The following CCP110 variants were observed in gnomAD, a reference collection of about 807,000 sequenced individuals.
CCP110 encodes centriolar coiled-coil protein of 110 kDa.
In CCP110, 43 loss-of-function variants were observed where a neutral mutation model predicts 105.5. That is an observed-to-expected ratio of 0.41 (90% CI 0.32 to 0.53). CCP110 has a LOEUF of 0.53. Among genes scored for constraint, CCP110 ranks in the 20% least tolerant of loss-of-function variants. The pLI, the probability that CCP110 is intolerant of heterozygous loss-of-function variation, is 0.32. For synonymous variants in CCP110, 353 were observed against 392.1 expected (o/e 0.90, Z 1.18); for missense variants, 1,016 against 1,189.1 (o/e 0.85, Z 2.14).
rs188165360 is a variant in CCP110 at position 19,537,653 on chromosome 16, A to G, written c.1918+66A>G. 163 of 920,856 alleles carry G rather than the reference A, an allele frequency of 1.8e-4. No homozygotes were observed. In the East Asian group the frequency reaches 2.9e-3, roughly 17 times the overall value. The allele number at this position is 920,856 out of a possible 1,614,324, so 57.0% of individuals were successfully genotyped here. A position where few individuals can be genotyped will look rare whatever the true frequency, so the allele number is the denominator to read the frequency against. On this transcript the variant is annotated intron_variant, in intron 4 of 14. Coordinates refer to ENST00000381396, the Ensembl canonical transcript of CCP110. ...ACCTTTATTTTAATACTCTTAATTG[A>G]CATTTTTGGGAAAAAAGTGGTCTTT...
chr16:19,528,504 C>T (rs1220461044), intron 2 of CCP110, among the ~76,000 whole-genome samples: 2 of 152,018 alleles, frequency 1.3e-5, no homozygotes, highest in East Asian at 3.9e-4. Flanking sequence ...TACAGTAAGG[C>T]AGATGTAAAT....
chr16:19,546,573 T>A, intron 12 of CCP110, 99 bp downstream of exon 12: 1 of 673,704 alleles, frequency 1.5e-6, no homozygotes, highest in South Asian at 1.8e-5. Context: ...TCCCAGAACT[T>A]TGGGAGGCCA....
chr16:19,547,902 G>A, intron 12 of CCP110, 53 bp from the exon 13 acceptor site: 2 of 1,294,536 alleles, frequency 1.5e-6, no homozygotes, highest in Non-Finnish European at 1.1e-6. Context: ...AAGAAAATGG[G>A]AAAAAATGGA....
intron 4 of CCP110, among the ~76,000 whole-genome samples, chr16:19,539,065 T>G (rs1460425043): frequency 6.6e-6 from 1 of 151,698 alleles, no homozygotes; most frequent in Non-Finnish European, 1.5e-5. Flanking sequence ...TGAGCCGAGA[T>G]TGCACCATTG....
intron 6 of CCP110, 25 bp from the exon 7 acceptor site, chr16:19,542,596 T>C: frequency 6.5e-7 from 1 of 1,540,630 alleles, no homozygotes; most frequent in Admixed American, 1.7e-5. Flanking sequence ...ACATCAAGTA[T>C]AATACTATAT....
In CCP110 at chr16:19,536,014, A is replaced by G. The variant is rs746277493; in HGVS notation, c.345A>G (p.Arg115=). The change falls in exon 4 of 15, where the codon AGA becomes AGG. Residue 115 remains arginine, a synonymous_variant. Coordinates refer to ENST00000381396, the Ensembl canonical transcript of CCP110. ...CAGTTTACTCTAATTCAGAAGTCAG[A>G]AACTTGAATGTTCCTGCTACATTTC... 2.5e-6 allele frequency: 4 copies of G among 1,613,820 alleles called. No homozygotes were observed. The African/African-American group carries it at 5.3e-5, about 22-fold the overall frequency.
intron 8 of CCP110, among the ~76,000 whole-genome samples, chr16:19,544,394 C>T (rs1970392379): frequency 6.6e-6 from 1 of 152,050 alleles, no homozygotes; most frequent in South Asian, 2.1e-4. Context: ...CTCTGGGTTC[C>T]ACATCTGTGG....
chr16:19,537,394 A>G (rs924868218), exon 4 of CCP110: 1 of 1,613,294 alleles, frequency 6.2e-7, no homozygotes, highest in Non-Finnish European at 8.5e-7. Flanking sequence ...GAAATGAACA[A>G]TTTTTGGATA....
At chr16:19,527,594 C>T (rs1969717166) in intron 1 of CCP110, among the ~76,000 whole-genome samples, 2 of 152,076 alleles carry the variant, frequency 1.3e-5, no homozygotes, top group Non-Finnish European at 2.9e-5. Flanking sequence ...GAAGGTTTTA[C>T]TGAATTCTTA....
intron 4 of CCP110, among the ~76,000 whole-genome samples, chr16:19,537,922 T>TA (rs1165114419): frequency 6.6e-6 from 1 of 152,194 alleles, no homozygotes; most frequent in Non-Finnish European, 1.5e-5. Context: ...CATGCCCGGC[T>TA]AATTTTTGTA....
At chr16:19,533,488 A>G (rs1969945366) in intron 3 of CCP110, among the ~76,000 whole-genome samples, 1 of 152,172 alleles carries the variant, frequency 6.6e-6, no homozygotes. Flanking sequence ...AAAGGAGGGT[A>G]GGTAATGAGA....
rs921838589 is a variant in CCP110, at chr16:19,523,967, GGGA to G, written c.-126_-124del. ...GCAGCCTGAGATCCGTAATATGGCGGGGAGGAGGAGGAGAAGGCGGCGGCGGAC... is the reference window on the plus strand; with the variant it reads ...GCAGCCTGAGATCCGTAATATGGCGGGGAGGAGGAGAAGGCGGCGGCGGAC... On this transcript the variant is annotated 5_prime_UTR_variant, in exon 1 of 15. Coordinates refer to ENST00000381396, the Ensembl canonical transcript of CCP110. 1.6e-4 allele frequency: 24 copies of G among 154,384 alleles called. No individual in the cohort carries two copies. In the South Asian group the frequency reaches 3.2e-3, roughly 21 times the overall value. The allele number at this position is 154,384 out of a possible 1,614,324, so 9.6% of individuals were successfully genotyped here.
At chr16:19,525,609 C>A (rs1018194884) in intron 1 of CCP110, 5 of 152,210 alleles carry the variant, frequency 3.3e-5, no homozygotes, top group South Asian at 4.1e-4. Flanking sequence ...CTAAATTCCA[C>A]TCTTCCTTGC....
chr16:19,537,425 C>A, exon 4 of CCP110: 1 of 1,613,544 alleles, frequency 6.2e-7, no homozygotes, highest in Non-Finnish European at 8.5e-7. Context: ...GAAAGTTAAA[C>A]GGAGACTTGA....
rs1018595606 is a variant in CCP110, at chr16:19,528,103, A to T, written c.141+81A>T. 14 of 1,214,488 alleles carry T rather than the reference A, an allele frequency of 1.2e-5. No homozygotes were observed. The African/African-American group carries it at 1.8e-4, about 16-fold the overall frequency. 75.2% of individuals were successfully genotyped at this position (1,214,488 alleles called of 1,614,324 possible). A position where few individuals can be genotyped will look rare whatever the true frequency, so the allele number is the denominator to read the frequency against. ...TCGTGGAAAAACAAAAGAAAGGCTT[A>T]TAAACATTTGAAGAGATGCCCTCAT... On this transcript the variant is annotated intron_variant, in intron 2 of 14. Transcript: ENST00000381396.
At chr16:19,526,443 T>TTAA (rs1375559637) in intron 1 of CCP110, 1 of 152,214 alleles carries the variant, frequency 6.6e-6, no homozygotes, top group East Asian at 1.9e-4. Flanking sequence ...AGGCTATGCC[T>TTAA]TAAGGTGTTT....
chr16:19,528,043 A>AAT, intron 2 of CCP110, 21 bp downstream of exon 2: 1 of 1,594,188 alleles, frequency 6.3e-7, no homozygotes, highest in Non-Finnish European at 8.5e-7. Context: ...TTTGTTTTTA[A>AAT]ATAGTTTTTT....
At chr16:19,552,023 CATA>C (rs1970656767) in exon 15 of CCP110, 2 of 152,274 alleles carry the variant, frequency 1.3e-5, no homozygotes, top group African/African-American at 2.4e-5. Context: ...ATTTCTGTAA[CATA>C]ATAATATGTT....
chr16:19,536,092 G>A, exon 4 of CCP110: 2 of 1,614,072 alleles, frequency 1.2e-6, no homozygotes, highest in African/African-American at 2.7e-5. Flanking sequence ...AGCTTGATAA[G>A]ATAGCTGGGA....
Sources: gnomAD v4.1 joint callset for allele counts (sites outside exome capture counted in the v4.1 genomes callset) on GRCh38, gnomAD v4.1.1 for gene constraint, MANE v1.5 for transcripts, NCBI Gene and HGNC (gene_info 2026-07-23, HGNC 2026-07-21) for gene names.